The following NKAIN3 variants were observed in gnomAD, a reference collection of about 807,000 sequenced individuals.
NKAIN3 encodes the protein sodium/potassium-transporting ATPase subunit beta-1-interacting protein 3.
A neutral mutation model predicts 30.2 loss-of-function variants in NKAIN3; 25 were observed. The observed-to-expected ratio is 0.83, with a 90% CI of 0.60 to 1.16. The LOEUF is 1.16. NKAIN3 is among the 50% of genes most tolerant of loss of function. The pLI is 0.00. For synonymous variants in NKAIN3, 91 were observed against 89.6 expected, an observed-to-expected ratio of 1.02 and a Z score of -0.09; for missense variants, 225 against 254.1, an observed-to-expected ratio of 0.89 and a Z score of 0.78.
chr8:62,863,796 GC>G, intron 4 of NKAIN3: 1 of 1,611,274 alleles, frequency 6.2e-7, no homozygotes, highest in Non-Finnish European at 8.5e-7. Flanking sequence ...CCCCATCCAA[GC>G]TTTCTAATAA....
At chr8:62,290,084 A>G (rs1197692587) in intron 1 of NKAIN3, among the ~76,000 whole-genome samples, 1 of 152,114 alleles carries the variant, frequency 6.6e-6, no homozygotes, top group African/African-American at 2.4e-5. Context: ...ATTTTTGCAC[A>G]TTGATTTTGT....
intron 3 of NKAIN3, among the ~76,000 whole-genome samples, chr8:62,733,256 T>C (rs556042085): frequency 6.6e-6 from 1 of 152,286 alleles, no homozygotes; most frequent in South Asian, 2.1e-4. Flanking sequence ...CCTCATAAGT[T>C]AGGCATTATT....
At chr8:62,766,012 G>A (rs1053166045) in intron 4 of NKAIN3, among the ~76,000 whole-genome samples, 39 of 152,046 alleles carry the variant, frequency 2.6e-4, no homozygotes, top group Admixed American at 5.9e-4. Flanking sequence ...AATCTTTCTT[G>A]CTTGCTTTAT....
intron 3 of NKAIN3, among the ~76,000 whole-genome samples, chr8:62,669,447 G>A (rs139626326): frequency 6.6e-6 from 1 of 152,118 alleles, no homozygotes; most frequent in African/African-American, 2.4e-5. Context: ...CCAGGCCATG[G>A]TCACTCATAT....
intron 1 of NKAIN3, among the ~76,000 whole-genome samples, chr8:62,302,080 A>T (rs949454947): frequency 6.6e-6 from 1 of 152,108 alleles, no homozygotes; most frequent in African/African-American, 2.4e-5. Context: ...TCCAAGATGA[A>T]TAAAAACATG....
At chr8:62,859,393 T>C (rs1049023721) in intron 4 of NKAIN3, among the ~76,000 whole-genome samples, 1 of 151,744 alleles carries the variant, frequency 6.6e-6, no homozygotes, top group Non-Finnish European at 1.5e-5. Context: ...TATTCTACTT[T>C]GACCACCACA....
intron 3 of NKAIN3, among the ~76,000 whole-genome samples, chr8:62,659,032 T>C (rs950888746): frequency 1.3e-5 from 2 of 152,096 alleles, no homozygotes; most frequent in Non-Finnish European, 2.9e-5. Flanking sequence ...CATATGGAAA[T>C]TCATTATTTT....
intron 1 of NKAIN3, among the ~76,000 whole-genome samples, chr8:62,544,885 G>A (rs1585928484): frequency 6.6e-6 from 1 of 152,106 alleles, no homozygotes. Flanking sequence ...TACGTTATAT[G>A]TATTATATAT....
intron 3 of NKAIN3, among the ~76,000 whole-genome samples, chr8:62,627,495 T>G (rs1811827851): frequency 1.3e-5 from 2 of 151,932 alleles, no homozygotes; most frequent in African/African-American, 2.4e-5. Flanking sequence ...TCTTGGAACA[T>G]GAGGTACTCT....
intron 3 of NKAIN3, among the ~76,000 whole-genome samples, chr8:62,710,139 A>G (rs903215636): frequency 6.6e-6 from 1 of 152,110 alleles, no homozygotes; most frequent in African/African-American, 2.4e-5. Context: ...TTTATGGCCT[A>G]TGATATGGTC....
rs551366804 is a variant in NKAIN3 at position 62,504,320 on chromosome 8, G to A, written c.55-75219G>A. 1.1e-4 allele frequency among the ~76,000 whole-genome samples: 17 copies of A among 152,300 alleles called. No individual in the cohort carries two copies. In the South Asian group the frequency reaches 3.5e-3, roughly 32 times the overall value. ...AAAACCTACTTTGCAGAATAACTATGAATATAAAATATCTGAAACAAAACC... is the reference window on the plus strand; with the variant it reads ...AAAACCTACTTTGCAGAATAACTATAAATATAAAATATCTGAAACAAAACC... On this transcript the variant is annotated intron_variant, in intron 1 of 6. Coordinates refer to ENST00000623646, the MANE Select transcript of NKAIN3 (RefSeq NM_001304533.3).
At chr8:62,579,457 C>CT (rs1810223692) in intron 1 of NKAIN3, 82 bp from the exon 2 acceptor site, 1 of 1,064,274 alleles carries the variant, frequency 9.4e-7, no homozygotes, top group Non-Finnish European at 1.3e-6. Flanking sequence ...AATATGCAGA[C>CT]TCCTCCAGCC....
rs869256384 is a variant in NKAIN3, at chr8:62,560,531, C to CTTTTTTTTTTTTTTTTTTTTTTTTTTTT, written c.55-18983_55-18982insTTTTTTTTTTTTTTTTTTTTTTTTTTTT. Among the ~76,000 whole-genome samples, 6 of 45,362 alleles carry CTTTTTTTTTTTTTTTTTTTTTTTTTTTT rather than the reference C, an allele frequency of 1.3e-4. 2 individuals are homozygous for CTTTTTTTTTTTTTTTTTTTTTTTTTTTT. Among genetic ancestry groups the CTTTTTTTTTTTTTTTTTTTTTTTTTTTT allele is most frequent in the South Asian group, 1.2e-3 (1 of 812 alleles). 29.8% of individuals were successfully genotyped at this position (45,362 alleles called of 152,430 possible). On this transcript the variant is annotated intron_variant, in intron 1 of 6. Coordinates refer to ENST00000623646, the MANE Select transcript of NKAIN3 (RefSeq NM_001304533.3). ...CAGTTCACTGAATCTTTTTTCTTTT[C>CTTTTTTTTTTTTTTTTTTTTTTTTTTTT]TTTTTTTTTTTTTTTTTTTTTTTTT...
chr8:62,420,483 C>A (rs150177575), intron 1 of NKAIN3, among the ~76,000 whole-genome samples: 1 of 152,200 alleles, frequency 6.6e-6, no homozygotes, highest in East Asian at 1.9e-4. Context: ...CACCAAGATT[C>A]TTTTTGGTGA....
intron 1 of NKAIN3, among the ~76,000 whole-genome samples, chr8:62,338,626 T>C (rs1307966148): frequency 6.6e-6 from 1 of 151,904 alleles, no homozygotes; most frequent in Admixed American, 6.6e-5. Context: ...GTTTATTAAG[T>C]ATTAACTCAC....
rs561275051 is a variant in NKAIN3 at position 62,419,499 on chromosome 8, G to C, written c.55-160040G>C. The stretch of plus-strand genomic sequence containing the variant: ...AAGTTCTGATGTAACTTACCTGCCA[G>C]TAAATGGCCAGATGGTATTCTCAAG... On this transcript the variant is annotated intron_variant, in intron 1 of 6. Transcript: ENST00000623646. 7.9e-5 allele frequency among the ~76,000 whole-genome samples: 12 copies of C among 152,340 alleles called. No individual in the cohort carries two copies. The East Asian group carries it at 2.3e-3, about 29-fold the overall frequency.
At chr8:62,913,724 G>C (rs959651529) in intron 4 of NKAIN3, among the ~76,000 whole-genome samples, 5 of 152,156 alleles carry the variant, frequency 3.3e-5, no homozygotes, top group Non-Finnish European at 7.3e-5. Flanking sequence ...TAGCAGAGTT[G>C]ACAGGTGTCC....
At chr8:62,291,012 T>C (rs1311991877) in intron 1 of NKAIN3, among the ~76,000 whole-genome samples, 2 of 152,244 alleles carry the variant, frequency 1.3e-5, no homozygotes, top group East Asian at 3.9e-4. Flanking sequence ...CTAGATTTTC[T>C]AGTTTATTTG....
At chr8:62,720,253 C>T (rs1222628892) in intron 3 of NKAIN3, among the ~76,000 whole-genome samples, 3 of 151,968 alleles carry the variant, frequency 2.0e-5, no homozygotes, top group African/African-American at 7.3e-5. Flanking sequence ...GTAATAATTC[C>T]TGATATTTTA....
Sources: gnomAD v4.1 joint callset for allele counts (sites outside exome capture counted in the v4.1 genomes callset) on GRCh38, gnomAD v4.1.1 for gene constraint, MANE v1.5 for transcripts, NCBI Gene and HGNC (gene_info 2026-07-23, HGNC 2026-07-21) for gene names.